The following TNNT1 variants were observed in gnomAD, a reference collection of about 807,000 sequenced individuals.
TNNT1 encodes the protein troponin T, slow skeletal muscle.
A neutral mutation model predicts 50.6 loss-of-function variants in TNNT1; 53 were observed. The ratio of observed to expected loss-of-function variants is 1.05; its 90% CI spans 0.84 to 1.32. The LOEUF is 1.32. TNNT1 is among the 40% of genes most tolerant of loss of function. The pLI is 0.00. For missense variants in TNNT1, 348 were observed against 381.7 expected (o/e 0.91, Z 0.74); for synonymous variants, 142 against 138.0 (o/e 1.03, Z -0.20).
chr19:55,146,717 G>T lies in TNNT1; in HGVS notation c.47-10C>A. ...TCCTCCGCAGCCTCCTCTGGAGATG[G>T]GGGCACAGAAGAGAAGGCGTTAGGA... On this transcript the variant is annotated splice_polypyrimidine_tract_variant and intron_variant, in intron 3 of 13. Coordinates refer to ENST00000588981, the MANE Select transcript of TNNT1 (RefSeq NM_003283.6). 6.6e-7 allele frequency: 1 copy of T among 1,506,054 alleles called. No individual in the cohort carries two copies. The highest frequency in any genetic ancestry group is 8.9e-7 in the Non-Finnish European group (1 of 1,126,152). The allele number at this position is 1,506,054 out of a possible 1,614,324, so 93.3% of individuals were successfully genotyped here. A position where few individuals can be genotyped will look rare whatever the true frequency, so the allele number is the denominator to read the frequency against.
chr19:55,138,771 G>A (rs576499275), intron 9 of TNNT1, among the ~76,000 whole-genome samples: 1 of 152,292 alleles, frequency 6.6e-6, no homozygotes, highest in South Asian at 2.1e-4. Flanking sequence ...TGTTTTGAGG[G>A]GGTCAAGGGA....
chr19:55,141,342 AGGG>A, intron 7 of TNNT1, 40 bp from the exon 8 acceptor site: 1 of 1,494,938 alleles, frequency 6.7e-7, no homozygotes, highest in Non-Finnish European at 9.3e-7. Flanking sequence ...GAGACCCTGG[AGGG>A]GGCAGCAGCC....
Position 55,141,280 on chromosome 19 carries a change from T to C in TNNT1, c.215A>G (p.Glu72Gly), listed in dbSNP as rs769269353. The C allele has an allele frequency of 1.2e-6, 2 of 1,614,182 alleles. No homozygotes were observed. The highest frequency in any genetic ancestry group is 1.7e-6 in the Non-Finnish European group (2 of 1,180,014). The stretch of plus-strand genomic sequence containing the variant: ...TGTCTGCAGCTCCAGCAGGTCTTTC[T>C]CCATGCGCTTGCGGTGGATGTCCTG... ...DFDDIHRKRM[E>G]KDLLELQTLI... The change falls in exon 8 of 14, where the codon GAG becomes GGG. Residue 72 changes from glutamate to glycine, a missense_variant. Coordinates refer to ENST00000588981, the MANE Select transcript of TNNT1 (RefSeq NM_003283.6).
rs1667091443 is a variant in TNNT1 at position 55,138,051 on chromosome 19, C to T, written c.411G>A (p.Glu137=). The T allele has an allele frequency of 1.2e-6, 2 of 1,614,088 alleles. No homozygotes were observed. Among genetic ancestry groups the T allele is most frequent in the African/African-American group, 1.3e-5 (1 of 74,942 alleles). Residue 137 remains glutamate, a synonymous_variant, in exon 10 of 14, where the codon GAG becomes GAA. Transcript: ENST00000588981. ...CCTCTGCCCGCTTCTTGGCCTCTTC[C>T]TCTTCCTTCCTCATCTTCTCCTCCT... The part of the protein sequence containing the change: ...KLAEEKMRKE[E]EEAKKRAEDD...
chr19:55,144,537 G>C lies in TNNT1; in HGVS notation c.128+1007C>G, dbSNP rs560340187. Among the ~76,000 whole-genome samples the C allele has an allele frequency of 4.1e-4, 63 of 152,248 alleles. No homozygotes were observed. In the South Asian group the frequency reaches 0.012, roughly 30 times the overall value. Reference sequence around the variant, plus strand: ...TGGAATCACAGGTGTGTGCCACTGTGCCCGGCTAATTTTTTAAAATTTTTT... The same window carrying C: ...TGGAATCACAGGTGTGTGCCACTGTCCCCGGCTAATTTTTTAAAATTTTTT... On this transcript the variant is annotated intron_variant, in intron 6 of 13. Coordinates refer to ENST00000588981, the MANE Select transcript of TNNT1 (RefSeq NM_003283.6).
intron 1 of TNNT1, chr19:55,148,113 G>C (rs2085614432): frequency 6.6e-6 from 1 of 152,260 alleles, no homozygotes; most frequent in Non-Finnish European, 1.5e-5. Flanking sequence ...TTGGGATTAG[G>C]AAGAGGCATT....
chr19:55,137,494 G>GGA (rs199851236), intron 10 of TNNT1, among the ~76,000 whole-genome samples: 4 of 124,556 alleles, frequency 3.2e-5, no homozygotes, highest in African/African-American at 1.3e-4. Flanking sequence ...TCCTCCCTCA[G>GGA]CCCAGGAGTC....
chr19:55,136,584 G>A (rs1302444804), intron 11 of TNNT1, among the ~76,000 whole-genome samples: 3 of 152,310 alleles, frequency 2.0e-5, no homozygotes, highest in Middle Eastern at 3.4e-3. Flanking sequence ...CGATCACGGC[G>A]CCACTCTGGG....
intron 6 of TNNT1, among the ~76,000 whole-genome samples, chr19:55,144,523 G>T (rs762459094): frequency 6.6e-6 from 1 of 152,318 alleles, no homozygotes; most frequent in Admixed American, 6.5e-5. Context: ...GGAATCACAG[G>T]TGTGTGCCAC....
In TNNT1 at chr19:55,132,926, G is replaced by A. The variant is rs201409131; in HGVS notation, c.826C>T (p.Arg276Cys). Residue 276 changes from arginine (R) to cysteine (C), a missense_variant, in exon 14 of 14, where the codon CGC becomes TGC. By Grantham distance (180) the Arg-to-Cys change is radical (BLOSUM62 -3). Coordinates refer to ENST00000588981, the MANE Select transcript of TNNT1 (RefSeq NM_003283.6). The stretch of plus-strand genomic sequence containing the variant: ...CCGGGGCGGCATCCTCACTTCCAGC[G>A]GCCTCCAACGCGGCCCTTCCCTGCC... ...KGAGKGRVGGRWK is the reference protein window; with the variant it reads ...KGAGKGRVGGCWK The A allele has an allele frequency of 2.3e-5, 37 of 1,603,618 alleles. No homozygotes were observed. The highest frequency in any genetic ancestry group is 1.6e-4 in the East Asian group (7 of 44,586).
intron 13 of TNNT1, 43 bp downstream of exon 13, chr19:55,133,844 G>C (rs1169303782): frequency 1.9e-6 from 3 of 1,612,964 alleles, no homozygotes; most frequent in African/African-American, 2.7e-5. Context: ...GAGTCAGCGG[G>C]AGGGTAGGGA....
intron 11 of TNNT1, chr19:55,135,527 T>TC: frequency 6.1e-6 from 1 of 165,274 alleles, no homozygotes; most frequent in Non-Finnish European, 1.3e-5. Flanking sequence ...ACCTCAGCCT[T>TC]TTTTTTTTTT....
At chr19:55,135,276 A>C (rs1467827202) in intron 11 of TNNT1, among the ~76,000 whole-genome samples, 2 of 152,170 alleles carry the variant, frequency 1.3e-5, no homozygotes, top group Non-Finnish European at 2.9e-5. Flanking sequence ...GATTTTGAGG[A>C]TGGAAATATT....
intron 3 of TNNT1, 93 bp downstream of exon 3, chr19:55,146,915 C>G: frequency 6.8e-7 from 1 of 1,461,614 alleles, no homozygotes; most frequent in Non-Finnish European, 9.2e-7. Flanking sequence ...CTGAGCCGCC[C>G]CTTCCCCGCC....
At chr19:55,133,407 C>T (rs1303848884) in intron 13 of TNNT1, 2 of 289,630 alleles carry the variant, frequency 6.9e-6, no homozygotes, top group African/African-American at 2.2e-5. Flanking sequence ...CGGCTGGGCG[C>T]GGTGGCTCAC....
At chr19:55,134,516 T>C (rs932527445) in intron 11 of TNNT1, among the ~76,000 whole-genome samples, 11 of 148,786 alleles carry the variant, frequency 7.4e-5, no homozygotes, top group Non-Finnish European at 1.6e-4. Context: ...AGAGACCCCG[T>C]CTCTGCTAAA....
At chr19:55,145,480 C>G in intron 6 of TNNT1, 64 bp downstream of exon 6, 1 of 1,537,914 alleles carries the variant, frequency 6.5e-7, no homozygotes, top group Admixed American at 1.7e-5. Flanking sequence ...CACCTTGTCT[C>G]TGGGGGTAGA....
intron 6 of TNNT1, among the ~76,000 whole-genome samples, chr19:55,144,011 C>T (rs1340983971): frequency 6.6e-6 from 1 of 151,966 alleles, no homozygotes; most frequent in Non-Finnish European, 1.5e-5. Flanking sequence ...CAACAATCCC[C>T]AAGTCCTGTC....
rs746583419 is a variant in TNNT1, at chr19:55,145,532, G to C, written c.128+12C>G. On this transcript the variant is annotated intron_variant, in intron 6 of 13. Transcript: ENST00000588981. ...ATGTATGACTGGGGCCCCCCACCCT[G>C]TAGGATCTCACCTTGGTTTGGGGCG... The C allele has an allele frequency of 2.2e-5, 35 of 1,612,820 alleles. No individual in the cohort carries two copies. The highest frequency in any genetic ancestry group is 3.0e-5 in the Non-Finnish European group (35 of 1,179,424).
Sources: allele counts gnomAD v4.1 joint callset (sites outside exome capture counted in the v4.1 genomes callset), GRCh38; gene constraint gnomAD v4.1.1; transcripts MANE v1.5; gene names NCBI Gene and HGNC (gene_info 2026-07-23, HGNC 2026-07-21).